CLUH: variants seen among roughly 807,000 people sequenced by gnomAD.
The protein encoded by CLUH is CLUH binding protein of NUMT mRNA.
In CLUH, 77 loss-of-function variants were observed where a neutral mutation model predicts 139.3. The ratio of observed to expected loss-of-function variants is 0.55; its 90% confidence interval spans 0.46 to 0.67. CLUH has a LOEUF of 0.67. Ranked by LOEUF, CLUH falls within the 30% of genes least tolerant of loss-of-function variation. CLUH has a pLI of 0.00. For missense variants in CLUH, 1,876 were observed against 1,875.8 expected, an observed-to-expected ratio of 1.00 and a Z score of 0.00; for synonymous variants, 999 against 801.6, an observed-to-expected ratio of 1.25 and a Z score of -4.16.
At chr17:2,708,220 G>T (rs770022169) in intron 1 of CLUH, among the ~76,000 whole-genome samples, 3 of 152,212 alleles carry the variant, frequency 2.0e-5, no homozygotes, top group Non-Finnish European at 2.9e-5. Context: ...CAGGACCAGG[G>T]ATCAGGCAGA....
At position 2,692,054 on chromosome 17, in the gene CLUH, G is replaced by A. The variant is rs758465453; in HGVS notation, c.3604C>T (p.Arg1202Trp). The stretch of plus-strand genomic sequence containing the variant: ...TCCTTCTCGTGCTGCAGGGCCGACC[G>A]GAACTCAGCTTTGCTCTCGTAGACT... Reference protein sequence around the residue: ...ARVYESKAEFRSALQHEKEGY... With the variant: ...ARVYESKAEFWSALQHEKEGY... The change falls in exon 23 of 26, where the codon CGG becomes TGG. Residue 1202 changes from arginine (R) to tryptophan (W), a missense_variant. By Grantham distance (101) the Arg-to-Trp change is moderately radical. Coordinates refer to ENST00000651024, the MANE Select transcript of CLUH (RefSeq NM_001366661.1). 2 of 1,604,010 alleles carry A rather than the reference G, an allele frequency of 1.2e-6. No homozygotes were observed. Among genetic ancestry groups the A allele is most frequent in the Non-Finnish European group, 1.7e-6 (2 of 1,175,952 alleles).
intron 23 of CLUH, 21 bp downstream of exon 23, chr17:2,691,983 C>CCCCGCCCCCGCG: frequency 3.2e-6 from 1 of 315,666 alleles, no homozygotes; most frequent in Non-Finnish European, 3.9e-6. Flanking sequence ...CCCCCGCCCC[C>CCCCGCCCCCGCG]GCCACGCCCC....
At chr17:2,705,186 G>A (rs1001014981) in intron 1 of CLUH, among the ~76,000 whole-genome samples, 1 of 152,078 alleles carries the variant, frequency 6.6e-6, no homozygotes, top group Non-Finnish European at 1.5e-5. Context: ...GCCTCGTCTT[G>A]CAGGGACAGA....
At chr17:2,691,416 G>A (rs1181929142) in intron 25 of CLUH, 193 bp downstream of exon 25, 12 of 584,572 alleles carry the variant, frequency 2.1e-5, no homozygotes, top group Non-Finnish European at 3.4e-5. Flanking sequence ...ACAAAAATGA[G>A]CCGGGCGAGG....
At position 2,694,276 on chromosome 17, in the gene CLUH, C is replaced by T. The variant is rs546151475; in HGVS notation, c.2938G>A (p.Val980Ile). 4 of 1,580,910 alleles carry T rather than the reference C, an allele frequency of 2.5e-6. No homozygotes were observed. In the African/African-American group the frequency reaches 4.0e-5, roughly 16 times the overall value. ...REISLKTGIQVLLKEYSFDSR... is the reference protein window; with the variant it reads ...REISLKTGIQILLKEYSFDSR... The stretch of plus-strand genomic sequence containing the variant: ...TCGAAGCTGTACTCCTTCAGCAGGA[C>T]CTGGGGGGCAGCCCCCCCACCACAG... The change falls in exon 18 of 26, where the codon GTC (valine) becomes ATC (isoleucine). Residue 980 changes from valine (V) to isoleucine (I), a missense_variant and splice_region_variant. Val to Ile is a conservative substitution (Grantham distance 29). Coordinates refer to ENST00000651024, the MANE Select transcript of CLUH (RefSeq NM_001366661.1).
chr17:2,702,375 G>C (rs966036122), intron 3 of CLUH, among the ~76,000 whole-genome samples: 2 of 152,164 alleles, frequency 1.3e-5, no homozygotes, highest in African/African-American at 4.8e-5. Flanking sequence ...GTGTCGGCTG[G>C]GCAGGGCTTT....
In CLUH at chr17:2,703,262, C is replaced by T; in HGVS notation, c.475+56G>A. The stretch of plus-strand genomic sequence containing the variant: ...GGGACCCTGGCATGGATGGTGCTGC[C>T]TGCCTCTGCCTCCGTGGGCCCTCCC... On this transcript the variant is annotated intron_variant, in intron 3 of 25. Transcript: ENST00000651024. This position sits in a 1 kb window ranked among gnomAD's most constrained non-coding sequence, Gnocchi z 4.2. 3 of 1,540,562 alleles carry T rather than the reference C, an allele frequency of 1.9e-6. No homozygotes were observed. Among genetic ancestry groups the T allele is most frequent in the Admixed American group, 1.9e-5 (1 of 52,998 alleles).
intron 3 of CLUH, among the ~76,000 whole-genome samples, chr17:2,702,930 T>G (rs150079852): frequency 0.02 from 3,031 of 152,196 alleles, 111 homozygotes; most frequent in African/African-American, 0.069. Flanking sequence ...GTTCAAGTGA[T>G]TCTCCTGCCT....
In CLUH at chr17:2,693,838, C is replaced by T. The variant is rs779474081; in HGVS notation, c.3231+62G>A. 4.1e-5 allele frequency: 63 copies of T among 1,537,366 alleles called. 1 individual carries two copies. Among genetic ancestry groups the T allele is most frequent in the Non-Finnish European group, 5.0e-5 (57 of 1,140,720 alleles). Reference sequence around the variant, plus strand: ...ACTCCACCCACTCCTCCGTCAGGGGCCCCCTCACTCCCCATCCCCCAACAC... The same window carrying T: ...ACTCCACCCACTCCTCCGTCAGGGGTCCCCTCACTCCCCATCCCCCAACAC... On this transcript the variant is annotated intron_variant, in intron 19 of 25. Coordinates refer to ENST00000651024, the MANE Select transcript of CLUH (RefSeq NM_001366661.1).
chr17:2,700,308 T>C, intron 9 of CLUH, 74 bp downstream of exon 9: 1 of 1,419,210 alleles, frequency 7.0e-7, no homozygotes, highest in Non-Finnish European at 9.7e-7. Context: ...CTTGCTTTCC[T>C]CCTCTCCATG....
Position 2,701,744 on chromosome 17 carries a change from G to A in CLUH, c.620-7C>T. The A allele has an allele frequency of 6.4e-7, 1 of 1,558,830 alleles. No individual in the cohort carries two copies. ...TTCTTCCGCTTCCCGCTGTCTGAGGGACCCGAGGCTGGTGGTCAGCACAGG... is the reference window on the plus strand; with the variant it reads ...TTCTTCCGCTTCCCGCTGTCTGAGGAACCCGAGGCTGGTGGTCAGCACAGG... On this transcript the variant is annotated splice_polypyrimidine_tract_variant and splice_region_variant and intron_variant, in intron 4 of 25. Transcript: ENST00000651024.
Position 2,703,198 on chromosome 17 carries a change from G to T in CLUH, c.475+120C>A. The stretch of plus-strand genomic sequence containing the variant: ...GTGTGCTGGCCTGAGAAGCAGATCT[G>T]TGCTCCAATCCTGCCTCCATGAGCT... On this transcript the variant is annotated intron_variant, in intron 3 of 25. Transcript: ENST00000651024. The surrounding 1 kb of genome is among the most constrained non-coding windows in gnomAD (Gnocchi z 4.2). The T allele has an allele frequency of 9.4e-7, 1 of 1,059,092 alleles. No individual in the cohort carries two copies. The highest frequency in any genetic ancestry group is 1.4e-6 in the Non-Finnish European group (1 of 735,110). 65.6% of individuals were successfully genotyped at this position (1,059,092 alleles called of 1,614,324 possible). A position where few individuals can be genotyped will look rare whatever the true frequency, so the allele number is the denominator to read the frequency against.
rs2151730246 is a variant in CLUH, at chr17:2,711,676, G to C, written c.-15C>G. 1.0e-6 allele frequency: 1 copy of C among 977,564 alleles called. No homozygotes were observed. Among genetic ancestry groups the C allele is most frequent in the Non-Finnish European group, 1.2e-6 (1 of 822,938 alleles). The allele number at this position is 977,564 out of a possible 1,614,324, so 60.6% of individuals were successfully genotyped here. On this transcript the variant is annotated 5_prime_UTR_variant, in exon 1 of 26. Coordinates refer to ENST00000651024, the MANE Select transcript of CLUH (RefSeq NM_001366661.1). ...TTGATAACCATGGTGGCGGGAGCGGGCGTCCGCCTCGGCTGTCCGCGCCGC... is the reference window on the plus strand; with the variant it reads ...TTGATAACCATGGTGGCGGGAGCGGCCGTCCGCCTCGGCTGTCCGCGCCGC...
chr17:2,698,618 A>G (rs1162087257), intron 9 of CLUH, 28 bp from the exon 10 acceptor site: 1 of 1,537,442 alleles, frequency 6.5e-7, no homozygotes, highest in Non-Finnish European at 8.8e-7. Flanking sequence ...GGGCAGGGTT[A>G]GAGGCCGCGC....
Position 2,692,623 on chromosome 17 carries a change from T to C in CLUH, c.3386A>G (p.Tyr1129Cys). ...TTCCCCGAACACCAGCAGCATGAGGTAGCGGGCGCGGTACAGCAGGCTCAG... is the reference window on the plus strand; with the variant it reads ...TTCCCCGAACACCAGCAGCATGAGGCAGCGGGCGCGGTACAGCAGGCTCAG... ...TALSLLYRAR[Y>C]LMLLVFGEDH... Residue 1129 changes from tyrosine to cysteine, a missense_variant, in exon 21 of 26, where the codon TAC (tyrosine) becomes TGC (cysteine). By Grantham distance (194) the Tyr-to-Cys change is radical (BLOSUM62 -2). Around this residue, in one of 3 missense-constraint regions of CLUH, gnomAD observed 1,454 missense variants for 1,384.4 expected, o/e 1.05. Coordinates refer to ENST00000651024, the MANE Select transcript of CLUH (RefSeq NM_001366661.1). The C allele has an allele frequency of 6.2e-7, 1 of 1,612,684 alleles. No homozygotes were observed. The highest frequency in any genetic ancestry group is 2.2e-5 in the East Asian group (1 of 44,852).
At chr17:2,702,808 C>T (rs1363800718) in intron 3 of CLUH, among the ~76,000 whole-genome samples, 1 of 151,674 alleles carries the variant, frequency 6.6e-6, no homozygotes, top group African/African-American at 2.4e-5. Flanking sequence ...TTTTTAGAAT[C>T]ACGGCTCTGT....
intron 7 of CLUH, 101 bp downstream of exon 7, chr17:2,701,039 A>T: frequency 6.3e-7 from 1 of 1,583,268 alleles, no homozygotes. Context: ...CTGGGGGCCC[A>T]GGGCGGTTTC....
Position 2,707,955 on chromosome 17 carries a change from A to G in CLUH, c.101-3391T>C, listed in dbSNP as rs111780562. 6.7e-3 allele frequency: 6,619 copies of G among 985,414 alleles called. 346 individuals carry two copies. The African/African-American group carries it at 0.11, about 16-fold the overall frequency. The allele number at this position is 985,414 out of a possible 1,614,324, so 61.0% of individuals were successfully genotyped here. A position where few individuals can be genotyped will look rare whatever the true frequency, so the allele number is the denominator to read the frequency against. ...CCCGTGCCCCTGGCCTCCAGGCTCC[A>G]TCAAGAAGCTGGCAGGCTCCATCTT... On this transcript the variant is annotated intron_variant, in intron 1 of 25. Coordinates refer to ENST00000651024, the MANE Select transcript of CLUH (RefSeq NM_001366661.1). The surrounding 1 kb of genome is among the most constrained non-coding windows in gnomAD (Gnocchi z 7.4).
intron 1 of CLUH, 46 bp downstream of exon 1, chr17:2,711,516 T>TG: frequency 1.3e-5 from 3 of 226,490 alleles, no homozygotes; most frequent in Non-Finnish European, 2.1e-5. Context: ...CCCGCCCTGG[T>TG]CCGGCGCCCC....
Sources: allele counts gnomAD v4.1 joint callset (sites outside exome capture counted in the v4.1 genomes callset), GRCh38; gene constraint gnomAD v4.1.1; regional missense constraint gnomAD v4.1.1; non-coding constraint Gnocchi (gnomAD v3.1); transcripts MANE v1.5; gene names NCBI Gene and HGNC (gene_info 2026-07-23, HGNC 2026-07-21).